SIRPG: variants seen among roughly 807,000 people sequenced by gnomAD.
SIRPG encodes signal-regulatory protein gamma.
SIRPG carries 38 observed loss-of-function variants against 35.7 expected under a neutral mutation model. The observed-to-expected ratio is 1.06, with a 90% CI of 0.82 to 1.40. The LOEUF is 1.40. Among genes scored for constraint, SIRPG ranks in the 40% most tolerant of loss-of-function variants. The probability of loss-of-function intolerance (pLI) is 0.00; values close to 1 mark genes in which losing one functional copy is unlikely to be tolerated. For synonymous variants in SIRPG, 215 were observed against 190.4 expected (o/e 1.13, Z -1.06); for missense variants, 519 against 483.0 (o/e 1.07, Z -0.70).
intron 2 of SIRPG, chr20:1,637,134 A>G (rs1351801197): frequency 5.7e-6 from 1 of 174,472 alleles, no homozygotes; most frequent in East Asian, 1.9e-4. Flanking sequence ...CTTGACATAT[A>G]CCTAGAGCTC....
chr20:1,650,004 G>GTGTATATATATATATATA (rs774462534), intron 1 of SIRPG, among the ~76,000 whole-genome samples: 145 of 98,808 alleles, frequency 1.5e-3, no homozygotes, highest in African/African-American at 5.5e-3. Flanking sequence ...TTTGAAGTGT[G>GTGTATATATATATATATA]TATATATATA....
intron 4 of SIRPG, among the ~76,000 whole-genome samples, chr20:1,631,348 G>A (rs575784204): frequency 6.6e-6 from 1 of 152,212 alleles, no homozygotes; most frequent in East Asian, 1.9e-4. Flanking sequence ...CCTTCTAGGG[G>A]ACAGCCCACA....
rs536622789 is a variant in SIRPG, at chr20:1,641,729, C to T, written c.431-5224G>A. On this transcript the variant is annotated intron_variant, in intron 2 of 5. Coordinates refer to ENST00000303415, the MANE Select transcript of SIRPG (RefSeq NM_018556.4). Reference sequence around the variant, plus strand: ...TTCTAGCTTTCTGATGTGGGCATTTCGTGCTATAAATTTCCCTCTAAACAC... The same window carrying T: ...TTCTAGCTTTCTGATGTGGGCATTTTGTGCTATAAATTTCCCTCTAAACAC... Among the ~76,000 whole-genome samples the T allele has an allele frequency of 2.8e-4, 43 of 152,166 alleles. No homozygotes were observed. In the South Asian group the frequency reaches 3.1e-3, roughly 11 times the overall value.
intron 2 of SIRPG, among the ~76,000 whole-genome samples, chr20:1,639,046 G>A (rs971766908): frequency 6.6e-6 from 1 of 152,116 alleles, no homozygotes; most frequent in African/African-American, 2.4e-5. Context: ...TTGGTTTCAT[G>A]TCTTTGCTAT....
the SIRPG span, among the ~76,000 whole-genome samples, chr20:1,684,561 T>C: frequency 6.6e-6 from 1 of 152,236 alleles, no homozygotes; most frequent in Admixed American, 6.5e-5. Flanking sequence ...TCCAACACAT[T>C]TGTAACAAAT....
At chr20:1,660,500 T>C (rs4814411), upstream of SIRPG, among the ~76,000 whole-genome samples, 33,845 of 152,168 alleles carry the variant, frequency 0.22, 4,186 homozygotes, top group Admixed American at 0.34. Context: ...CGTATATGAC[T>C]CAAAAATGCA....
the SIRPG span, among the ~76,000 whole-genome samples, chr20:1,677,686 A>C: frequency 6.6e-6 from 1 of 152,240 alleles, no homozygotes; most frequent in Non-Finnish European, 1.5e-5. Context: ...TCAGAAGCCC[A>C]AAATTGTGTG....
At chr20:1,631,733 C>CT (rs2091752097) in intron 4 of SIRPG, among the ~76,000 whole-genome samples, 1 of 152,182 alleles carries the variant, frequency 6.6e-6, no homozygotes, top group African/African-American at 2.4e-5. Context: ...GGCTGGGATG[C>CT]AATTGATAAA....
chr20:1,630,148 T>C, intron 5 of SIRPG, 74 bp downstream of exon 5: 2 of 1,147,026 alleles, frequency 1.7e-6, no homozygotes, highest in Non-Finnish European at 2.6e-6. Context: ...CTGCATGGCA[T>C]GTGGGCTGGG....
chr20:1,634,352 G>T (rs1388499010), intron 4 of SIRPG, among the ~76,000 whole-genome samples: 3 of 151,764 alleles, frequency 2.0e-5, no homozygotes, highest in Non-Finnish European at 2.9e-5. Flanking sequence ...GACTACAGGC[G>T]CCCGCCACCA....
chr20:1,672,515 A>C, the SIRPG span, among the ~76,000 whole-genome samples: 233 of 152,312 alleles, frequency 1.5e-3, 2 homozygotes, highest in South Asian at 7.3e-3. Flanking sequence ...GATCTCTCTC[A>C]TCCTGGAGTA....
the SIRPG span, among the ~76,000 whole-genome samples, chr20:1,663,706 T>C: frequency 2.0e-5 from 3 of 152,208 alleles, no homozygotes; most frequent in Non-Finnish European, 4.4e-5. Context: ...TGCGTGTAAA[T>C]GAAAAAGAAA....
At chr20:1,664,826 C>T in the SIRPG span, among the ~76,000 whole-genome samples, 13 of 152,170 alleles carry the variant, frequency 8.5e-5, no homozygotes, top group African/African-American at 2.7e-4. Flanking sequence ...TGAGTCCTGG[C>T]GCCCTTTCCC....
the SIRPG span, among the ~76,000 whole-genome samples, chr20:1,663,513 A>G: frequency 2.6e-5 from 4 of 152,198 alleles, no homozygotes; most frequent in Admixed American, 6.5e-5. Flanking sequence ...TCAAACTTTA[A>G]GGAATTTTGC....
the SIRPG span, chr20:1,670,038 T>C: frequency 3.9e-6 from 1 of 259,542 alleles, no homozygotes; most frequent in East Asian, 1.0e-4. Context: ...TGGGCAGATA[T>C]GTTCACCAGG....
chr20:1,635,430 A>G lies in SIRPG; in HGVS notation c.918T>C (p.Gly306=). 4.3e-6 allele frequency: 7 copies of G among 1,614,140 alleles called. No homozygotes were observed. The highest frequency in any genetic ancestry group is 5.9e-6 in the Non-Finnish European group (7 of 1,180,024). ...GGAACCAGCTTGTCCAGTTGTAGGT[A>G]CCATCCTTGTTCTCTGTAAGGGTCG... ...TASTLTENKD[G]TYNWTSWFLV... Residue 306 remains glycine, a synonymous_variant, in exon 4 of 6, where the codon GGT becomes GGC. Coordinates refer to ENST00000303415, the MANE Select transcript of SIRPG (RefSeq NM_018556.4).
chr20:1,658,394 G>A (rs898617654), upstream of SIRPG, among the ~76,000 whole-genome samples: 4 of 152,206 alleles, frequency 2.6e-5, no homozygotes, highest in Non-Finnish European at 4.4e-5. Flanking sequence ...TGTGGAGTGA[G>A]GTGGGGATTG....
chr20:1,675,228 T>A, the SIRPG span, among the ~76,000 whole-genome samples: 1 of 151,888 alleles, frequency 6.6e-6, no homozygotes, highest in African/African-American at 2.4e-5. Flanking sequence ...CAAGAAGGGG[T>A]GGGCACGTGC....
chr20:1,667,269 C>T, the SIRPG span, among the ~76,000 whole-genome samples: 20 of 152,204 alleles, frequency 1.3e-4, no homozygotes, highest in East Asian at 1.9e-4. Context: ...AATGCTGTAC[C>T]GGTTTGTGGC....
Sources: allele counts gnomAD v4.1 joint callset (sites outside exome capture counted in the v4.1 genomes callset), GRCh38; gene constraint gnomAD v4.1.1; transcripts MANE v1.5; gene names NCBI Gene and HGNC (gene_info 2026-07-23, HGNC 2026-07-21).